The following SEC62 variants were observed in gnomAD, a reference collection of about 807,000 sequenced individuals.
SEC62 encodes translocation protein SEC62.
A neutral mutation model predicts 47.5 loss-of-function variants in SEC62; 10 were observed. The ratio of observed to expected loss-of-function variants is 0.21; its 90% confidence interval spans 0.13 to 0.36. The LOEUF (loss-of-function observed/expected upper bound fraction) is 0.36, where lower values mean the gene tolerates loss of function less well. Among genes scored for constraint, SEC62 ranks in the 10% least tolerant of loss-of-function variants. SEC62 has a pLI of 1.00. For synonymous variants in SEC62, 136 were observed against 150.5 expected (o/e 0.90, Z 0.71); for missense variants, 327 against 464.1 (o/e 0.70, Z 2.71).
At chr3:169,986,968 G>A (rs113700561) in intron 6 of SEC62, among the ~76,000 whole-genome samples, 82 of 151,662 alleles carry the variant, frequency 5.4e-4, no homozygotes, top group African/African-American at 1.8e-3. Flanking sequence ...CACTTGCCTC[G>A]TTGTCCCAAA....
chr3:169,987,431 GC>G (rs1461285363), intron 6 of SEC62, among the ~76,000 whole-genome samples: 1 of 152,032 alleles, frequency 6.6e-6, no homozygotes, highest in Admixed American at 6.6e-5. Flanking sequence ...AAAACAAAAA[GC>G]AAAATAACTC....
At chr3:169,967,212 C>G in intron 1 of SEC62, among the ~76,000 whole-genome samples, 1 of 152,204 alleles carries the variant, frequency 6.6e-6, no homozygotes, top group Middle Eastern at 3.2e-3. Flanking sequence ...GACGCTGACC[C>G]TTCCCGGGGC....
At chr3:169,985,684 ATTAC>A in intron 5 of SEC62, 117 bp from the exon 6 acceptor site, 1 of 591,910 alleles carries the variant, frequency 1.7e-6, no homozygotes, top group Non-Finnish European at 2.8e-6. Flanking sequence ...TACCTTAGAA[ATTAC>A]TTCTCGTATG....
chr3:169,983,135 C>T, intron 4 of SEC62, 26 bp from the exon 5 acceptor site: 1 of 1,560,612 alleles, frequency 6.4e-7, no homozygotes. Context: ...TGTGTTATTT[C>T]TTCTGTCCAA....
intron 7 of SEC62, among the ~76,000 whole-genome samples, chr3:169,990,712 A>T (rs559333638): frequency 6.6e-6 from 1 of 152,274 alleles, no homozygotes; most frequent in African/African-American, 2.4e-5. Flanking sequence ...ATTTATTCTT[A>T]AATCATAATT....
intron 3 of SEC62, 100 bp from the exon 4 acceptor site, chr3:169,982,607 T>C (rs768917571): frequency 2.1e-6 from 3 of 1,417,732 alleles, no homozygotes; most frequent in Admixed American, 1.7e-5. Context: ...GTGTTGCTAA[T>C]TTATGCCTTC....
At chr3:169,977,581 A>G (rs1016991352) in intron 3 of SEC62, among the ~76,000 whole-genome samples, 4 of 152,170 alleles carry the variant, frequency 2.6e-5, no homozygotes, top group Non-Finnish European at 4.4e-5. Context: ...AGTAATATAC[A>G]TATATTTTTC....
At chr3:169,966,958 G>A in intron 1 of SEC62, 100 bp downstream of exon 1, 1 of 1,017,650 alleles carries the variant, frequency 9.8e-7, no homozygotes, top group Non-Finnish European at 1.4e-6. Flanking sequence ...AGGGCGAGGT[G>A]GGGTGGGGTG....
chr3:169,978,871 C>T (rs1358309956), intron 3 of SEC62, among the ~76,000 whole-genome samples: 1 of 152,186 alleles, frequency 6.6e-6, no homozygotes, highest in African/African-American at 2.4e-5. Context: ...ACACAGCTAG[C>T]AAGTGGCAGA....
At position 169,966,849 on chromosome 3, in the gene SEC62, G is replaced by C. The variant is rs770118827; in HGVS notation, c.27G>C (p.Lys9Asn). 2 of 1,556,574 alleles carry C rather than the reference G, an allele frequency of 1.3e-6. No individual in the cohort carries two copies. The highest frequency in any genetic ancestry group is 1.7e-6 in the Non-Finnish European group (2 of 1,149,864). ...TGGCGGAACGCAGGAGACACAAGAA[G>C]CGGATCCAGGTAGCAAAGCCGAGCT... is the stretch of plus-strand genomic sequence containing the variant. MAERRRHK[K>N]RIQEVGEPSK... The change falls in exon 1 of 8, where the codon AAG becomes AAC. Residue 9 changes from lysine (K) to asparagine (N), a missense_variant. Lys to Asn is a moderately conservative substitution (Grantham distance 94). Coordinates refer to ENST00000337002, the MANE Select transcript of SEC62 (RefSeq NM_003262.4).
At chr3:169,983,052 A>G in intron 4 of SEC62, 109 bp from the exon 5 acceptor site, 1 of 1,462,436 alleles carries the variant, frequency 6.8e-7, no homozygotes. Flanking sequence ...CGTGGTTGAG[A>G]ATTTTTATTT....
At chr3:169,971,860 A>G (rs1415851285) in intron 1 of SEC62, among the ~76,000 whole-genome samples, 2 of 152,338 alleles carry the variant, frequency 1.3e-5, no homozygotes, top group East Asian at 1.9e-4. Context: ...GTATATTTGT[A>G]TCATGCCTAA....
rs1005528783 is a variant in SEC62 at position 169,996,921 on chromosome 3, C to T, written c.*3858C>T. The T allele has an allele frequency of 6.6e-6, 1 of 152,190 alleles. No individual in the cohort carries two copies. The allele number at this position is 152,190 out of a possible 1,614,324, so 9.4% of individuals were successfully genotyped here. ...TTCTTATTGGAATCAAGACCAATAC[C>T]AAGGAGAAATTCCTAGGGAACAAAA... is the stretch of plus-strand genomic sequence containing the variant. On this transcript the variant is annotated 3_prime_UTR_variant, in exon 8 of 8. Transcript: ENST00000337002.
At chr3:169,985,634 A>G in intron 5 of SEC62, 171 bp from the exon 6 acceptor site, 1 of 475,642 alleles carries the variant, frequency 2.1e-6, no homozygotes, top group South Asian at 4.4e-5. Flanking sequence ...TAGCGCCAGA[A>G]GAACCACTAC....
Position 169,977,148 on chromosome 3 carries a change from C to T in SEC62, c.251+97C>T. 4 of 705,928 alleles carry T rather than the reference C, an allele frequency of 5.7e-6. No individual in the cohort carries two copies. The South Asian group carries it at 9.7e-5, about 17-fold the overall frequency. The allele number at this position is 705,928 out of a possible 1,614,324, so 43.7% of individuals were successfully genotyped here. A position where few individuals can be genotyped will look rare whatever the true frequency, so the allele number is the denominator to read the frequency against. On this transcript the variant is annotated intron_variant, in intron 3 of 7. Transcript: ENST00000337002. ...ATCATTAAATGTAGTGATACTACAA[C>T]ATAACTCAAATACTGTTTTCACATG...
At chr3:169,983,748 A>C (rs1322392669) in intron 5 of SEC62, 2 of 152,366 alleles carry the variant, frequency 1.3e-5, no homozygotes, top group Non-Finnish European at 2.9e-5. Flanking sequence ...TCCATTGGCC[A>C]GAACATAGTC....
chr3:169,973,248 T>G (rs924123395), intron 1 of SEC62, among the ~76,000 whole-genome samples: 1 of 152,200 alleles, frequency 6.6e-6, no homozygotes, highest in Non-Finnish European at 1.5e-5. Context: ...TAATTAGGAA[T>G]TTTTGCCTTT....
At chr3:169,990,804 G>T (rs955369889) in intron 7 of SEC62, among the ~76,000 whole-genome samples, 1 of 152,076 alleles carries the variant, frequency 6.6e-6, no homozygotes, top group African/African-American at 2.4e-5. Context: ...ATATTCTTGT[G>T]AAAATAAAAA....
intron 7 of SEC62, among the ~76,000 whole-genome samples, chr3:169,991,463 A>C (rs755719660): frequency 6.6e-6 from 1 of 152,092 alleles, no homozygotes; most frequent in Non-Finnish European, 1.5e-5. Flanking sequence ...TAAATGATAG[A>C]TATAGACCTG....
Sources: gnomAD v4.1 joint callset for allele counts (sites outside exome capture counted in the v4.1 genomes callset) on GRCh38, gnomAD v4.1.1 for gene constraint, MANE v1.5 for transcripts, NCBI Gene and HGNC (gene_info 2026-07-23, HGNC 2026-07-21) for gene names.